Variants in ZNF674 observed in about 807,000 individuals in gnomAD.
ZNF674 encodes the protein zinc finger family member 674.
ZNF674 carries 2 observed loss-of-function variants against 7.0 expected under a neutral mutation model. The observed-to-expected ratio is 0.29, with a 90% CI of 0.12 to 0.90. The LOEUF (loss-of-function observed/expected upper bound fraction) is 0.90, where lower values mean the gene tolerates loss of function less well. ZNF674 is among the 40% of genes least tolerant of loss of function. The pLI is 0.57. For missense variants in ZNF674, 297 were observed against 415.5 expected (o/e 0.71, Z 2.48); for synonymous variants, 103 against 145.2 (o/e 0.71, Z 2.09).
chrX:46,502,598 T>C (rs1198588714), intron 5 of ZNF674, among the ~76,000 whole-genome samples: 1 of 111,845 alleles, frequency 8.9e-6, no homozygotes, highest in Non-Finnish European at 1.9e-5. Flanking sequence ...ATAAGACAGA[T>C]TTAATAAATT....
At chrX:46,532,920 C>T (rs952809108) in intron 3 of ZNF674, among the ~76,000 whole-genome samples, 1 of 111,578 alleles carries the variant, frequency 9.0e-6, no homozygotes, top group South Asian at 3.7e-4. Flanking sequence ...TGTATTGGGC[C>T]GCATTCAAAG....
rs7892076 is a variant in ZNF674 at position 46,535,928 on chromosome X, C to A, written c.15+6145G>T. On this transcript the variant is annotated intron_variant, in intron 3 of 5. Coordinates refer to ENST00000683375, the MANE Select transcript of ZNF674 (RefSeq NM_001190417.2). Reference sequence around the variant, plus strand: ...AGCCTCACTAAAAGTCACATATATGCTCATTAAATAATAAGATATTGTCTT... The same window carrying A: ...AGCCTCACTAAAAGTCACATATATGATCATTAAATAATAAGATATTGTCTT... Among the ~76,000 whole-genome samples, 582 of 111,945 alleles carry A rather than the reference C, an allele frequency of 5.2e-3. 5 individuals carry two copies. Among genetic ancestry groups the A allele is most frequent in the African/African-American group, 0.018 (554 of 30,861 alleles).
chrX:46,537,024 A>G (rs1234456601), intron 3 of ZNF674, among the ~76,000 whole-genome samples: 2 of 111,987 alleles, frequency 1.8e-5, no homozygotes, highest in African/African-American at 6.5e-5. Flanking sequence ...TAATCCTAGG[A>G]CTTTGGGAGG....
At chrX:46,535,157 T>C (rs1942180381) in intron 3 of ZNF674, among the ~76,000 whole-genome samples, 1 of 111,577 alleles carries the variant, frequency 9.0e-6, no homozygotes, top group Non-Finnish European at 1.9e-5. Flanking sequence ...TTTTTTCTTT[T>C]TTTTTGGAGA....
At chrX:46,513,363 A>G (rs748618472) in intron 5 of ZNF674, among the ~76,000 whole-genome samples, 2 of 113,050 alleles carry the variant, frequency 1.8e-5, no homozygotes, top group Non-Finnish European at 3.7e-5. Flanking sequence ...AATACTTTCA[A>G]TAGTAATCAG....
chrX:46,507,698 T>C (rs140638784), intron 5 of ZNF674, among the ~76,000 whole-genome samples: 5 of 111,926 alleles, frequency 4.5e-5, no homozygotes, highest in Non-Finnish European at 9.4e-5. Context: ...ATAATCACAT[T>C]GGGACTATTG....
rs1891334282 is a variant in ZNF674 at position 46,499,996 on chromosome X, C to T, written c.1578G>A (p.Gly526=). 8.3e-7 allele frequency: 1 copy of T among 1,206,290 alleles called. No homozygotes were observed. Among genetic ancestry groups the T allele is most frequent in the African/African-American group, 1.8e-5 (1 of 56,814 alleles). Residue 526 remains glycine (G), a synonymous_variant, in exon 6 of 6, where the codon GGG becomes GGA. Coordinates refer to ENST00000683375, the MANE Select transcript of ZNF674 (RefSeq NM_001190417.2). ...GEKPYKCSEC[G]KAFSVKSTLI... is the part of the protein sequence containing the mutation. ...GAGTTGATTTCACACTGAAGGCCTT[C>T]CCACATTCACTACATTTGTAAGGTT...
At position 46,501,040 on chromosome X, in the gene ZNF674, A is replaced by G; in HGVS notation, c.534T>C (p.His178=). The change falls in exon 6 of 6, where the codon CAT becomes CAC. Residue 178 remains histidine (H), a synonymous_variant. Transcript: ENST00000683375. ...CAGGTTGAGCTTTATGAAGATTATA[A>G]TGGAGGCATACTTTCCAATATGCCT... ...GCKAYWKVCL[H]YNLHKAQPAE... 4.1e-6 allele frequency: 5 copies of G among 1,208,950 alleles called. No individual in the cohort carries two copies. The highest frequency in any genetic ancestry group is 1.8e-5 in the South Asian group (1 of 56,607).
chrX:46,533,829 A>AAAAAAAAAAAAAAAAATAT, intron 3 of ZNF674, among the ~76,000 whole-genome samples: 1 of 65,554 alleles, frequency 1.5e-5, no homozygotes, highest in South Asian at 8.3e-4. Context: ...AAAAAAAAAA[A>AAAAAAAAAAAAAAAAATAT]ATATATATAT....
intron 5 of ZNF674, among the ~76,000 whole-genome samples, chrX:46,521,110 C>CCGGGAGGTGGAGGTTGCT (rs1240871919): frequency 2.8e-5 from 3 of 107,889 alleles, no homozygotes; most frequent in African/African-American, 6.8e-5. Context: ...TCGCTTGAGC[C>CCGGGAGGTGGAGGTTGCT]CGGGAGGTGG....
rs549176331 is a variant in ZNF674 at position 46,520,335 on chromosome X, G to A, written c.238+8015C>T. 1.1e-4 allele frequency among the ~76,000 whole-genome samples: 12 copies of A among 111,217 alleles called. No individual in the cohort carries two copies. The South Asian group carries it at 4.6e-3, about 42-fold the overall frequency. ...AATTGCTTGAACCCAGGAGGCAGAG[G>A]TTGCAGTGAGACCAGATCGCACCAT... On this transcript the variant is annotated intron_variant, in intron 5 of 5. Coordinates refer to ENST00000683375, the MANE Select transcript of ZNF674 (RefSeq NM_001190417.2).
At chrX:46,521,204 CAAA>C (rs1187228041) in intron 5 of ZNF674, among the ~76,000 whole-genome samples, 1 of 40,710 alleles carries the variant, frequency 2.5e-5, no homozygotes, top group Non-Finnish European at 5.3e-5. Flanking sequence ...GACTCTATCT[CAAA>C]AAAAAAAAAA....
intron 2 of ZNF674, among the ~76,000 whole-genome samples, chrX:46,542,500 G>C (rs1280732361): frequency 8.9e-6 from 1 of 111,732 alleles, no homozygotes. Context: ...ATTGAGGCCA[G>C]GAGTTCAAGA....
intron 5 of ZNF674, among the ~76,000 whole-genome samples, chrX:46,519,264 A>AG (rs1556015268): frequency 0.083 from 4,654 of 56,325 alleles, 186 homozygotes; most frequent in Middle Eastern, 0.14. Context: ...ATAGATAGAT[A>AG]AAGATAGATG....
At chrX:46,532,195 A>G (rs193054968) in intron 3 of ZNF674, among the ~76,000 whole-genome samples, 304 of 111,572 alleles carry the variant, frequency 2.7e-3, no homozygotes, top group African/African-American at 9.5e-3. Context: ...AAACAAAACA[A>G]AGTATGTATG....
At chrX:46,509,126 C>CA (rs1333585426) in intron 5 of ZNF674, among the ~76,000 whole-genome samples, 10 of 107,432 alleles carry the variant, frequency 9.3e-5, no homozygotes, top group Non-Finnish European at 1.7e-4. Flanking sequence ...ACACCTTATA[C>CA]AAAAATTAAT....
intron 5 of ZNF674, among the ~76,000 whole-genome samples, chrX:46,510,231 T>C (rs1602054833): frequency 9.2e-6 from 1 of 109,146 alleles, no homozygotes; most frequent in South Asian, 4.1e-4. Flanking sequence ...ATGGCACATG[T>C]ATACATATGT....
At chrX:46,507,641 A>G (rs1295715842) in intron 5 of ZNF674, among the ~76,000 whole-genome samples, 1 of 111,612 alleles carries the variant, frequency 9.0e-6, no homozygotes, top group Non-Finnish European at 1.9e-5. Flanking sequence ...AGCTAACTGT[A>G]TAGTCATATT....
At chrX:46,540,169 A>G (rs1378199263) in intron 3 of ZNF674, among the ~76,000 whole-genome samples, 2 of 110,379 alleles carry the variant, frequency 1.8e-5, no homozygotes, top group Non-Finnish European at 3.8e-5. Flanking sequence ...GCGGGAACCC[A>G]GGAGGCGGAG....
Sources: gnomAD v4.1 joint callset for allele counts (sites outside exome capture counted in the v4.1 genomes callset) on GRCh38, gnomAD v4.1.1 for gene constraint, MANE v1.5 for transcripts, NCBI Gene and HGNC (gene_info 2026-07-23, HGNC 2026-07-21) for gene names.